Variants in LDB2 observed in about 807,000 individuals in gnomAD.
LDB2 encodes the protein LIM domain-binding protein 2.
In LDB2, 12 loss-of-function variants were observed where a neutral mutation model predicts 44.3. The observed-to-expected ratio is 0.27, with a 90% CI of 0.17 to 0.44. The LOEUF (loss-of-function observed/expected upper bound fraction) is 0.44, where lower values mean the gene tolerates loss of function less well. Ranked by LOEUF, LDB2 falls within the 20% of genes least tolerant of loss-of-function variation. The pLI is 1.00. For synonymous variants in LDB2, 164 were observed against 174.8 expected (o/e 0.94, Z 0.49); for missense variants, 344 against 473.5 (o/e 0.73, Z 2.54).
chr4:16,650,068 A>C (rs925903929), intron 2 of LDB2, among the ~76,000 whole-genome samples: 6 of 152,178 alleles, frequency 3.9e-5, no homozygotes, highest in African/African-American at 1.4e-4. Context: ...TTTTGAGATA[A>C]AACTTTTCTG....
intron 5 of LDB2, among the ~76,000 whole-genome samples, chr4:16,544,839 G>A (rs1011460234): frequency 1.3e-5 from 2 of 152,164 alleles, no homozygotes; most frequent in Non-Finnish European, 2.9e-5. Flanking sequence ...GAGAAGTGGA[G>A]GCTGGGAATA....
chr4:16,516,432 C>T (rs1723763368), intron 5 of LDB2, among the ~76,000 whole-genome samples: 1 of 152,184 alleles, frequency 6.6e-6, no homozygotes, highest in Non-Finnish European at 1.5e-5. Context: ...AAGTATCAAG[C>T]ATTCTGCTCG....
intron 1 of LDB2, among the ~76,000 whole-genome samples, chr4:16,852,457 A>C (rs1788484691): frequency 6.6e-6 from 1 of 152,216 alleles, no homozygotes; most frequent in Non-Finnish European, 1.5e-5. Context: ...CTGCCACATG[A>C]AGGAAAATCC....
At chr4:16,775,656 T>C (rs1771732156) in intron 1 of LDB2, among the ~76,000 whole-genome samples, 1 of 152,130 alleles carries the variant, frequency 6.6e-6, no homozygotes, top group Non-Finnish European at 1.5e-5. Flanking sequence ...TGACACACAG[T>C]TGACAAAGCA....
At chr4:16,528,373 A>T (rs1408048895) in intron 5 of LDB2, among the ~76,000 whole-genome samples, 1 of 152,256 alleles carries the variant, frequency 6.6e-6, no homozygotes, top group Admixed American at 6.5e-5. Flanking sequence ...AAAATATTTT[A>T]AATAAGGTAA....
chr4:16,837,214 C>G, intron 1 of LDB2, among the ~76,000 whole-genome samples: 1 of 152,174 alleles, frequency 6.6e-6, no homozygotes, highest in East Asian at 1.9e-4. Context: ...ACTGTTTACT[C>G]TCTGTATGAC....
At chr4:16,782,433 C>T (rs1477189392) in intron 1 of LDB2, among the ~76,000 whole-genome samples, 2 of 151,936 alleles carry the variant, frequency 1.3e-5, no homozygotes, top group Non-Finnish European at 2.9e-5. Flanking sequence ...TCACTAAAAC[C>T]TCCACCTCCC....
intron 2 of LDB2, among the ~76,000 whole-genome samples, chr4:16,653,118 G>A (rs1262522071): frequency 6.6e-6 from 1 of 152,194 alleles, no homozygotes; most frequent in Non-Finnish European, 1.5e-5. Context: ...AACACAGCTT[G>A]AGCAAGTTGT....
At chr4:16,551,329 A>T (rs1193618762) in intron 5 of LDB2, among the ~76,000 whole-genome samples, 3 of 152,198 alleles carry the variant, frequency 2.0e-5, no homozygotes, top group Non-Finnish European at 2.9e-5. Context: ...ATTTTTTAAA[A>T]GTTAAGGAAA....
chr4:16,802,168 C>T (rs900701473), intron 1 of LDB2, among the ~76,000 whole-genome samples: 6 of 152,182 alleles, frequency 3.9e-5, no homozygotes, highest in Non-Finnish European at 7.3e-5. Flanking sequence ...AGTGAGTGGA[C>T]GCCCATCCTC....
chr4:16,527,328 T>G (rs1374578560), intron 5 of LDB2, among the ~76,000 whole-genome samples: 1 of 152,010 alleles, frequency 6.6e-6, no homozygotes, highest in Non-Finnish European at 1.5e-5. Context: ...AGAGAGATTG[T>G]GGGGAACTAT....
chr4:16,629,248 C>T (rs1222764905), intron 2 of LDB2, among the ~76,000 whole-genome samples: 1 of 152,190 alleles, frequency 6.6e-6, no homozygotes, highest in Non-Finnish European at 1.5e-5. Flanking sequence ...AACGTCCCTG[C>T]CTGACAGCTA....
chr4:16,584,683 C>T (rs766602664), intron 5 of LDB2, among the ~76,000 whole-genome samples: 4 of 152,214 alleles, frequency 2.6e-5, no homozygotes, highest in Admixed American at 1.3e-4. Flanking sequence ...TGTCAGGAGA[C>T]GGGTAGTGCC....
chr4:16,780,749 T>G (rs991175766), intron 1 of LDB2, among the ~76,000 whole-genome samples: 2 of 152,118 alleles, frequency 1.3e-5, no homozygotes, highest in Non-Finnish European at 1.5e-5. Flanking sequence ...CAAAAAACAT[T>G]TCATGAACAC....
intron 1 of LDB2, among the ~76,000 whole-genome samples, chr4:16,877,908 A>G (rs1718903670): frequency 6.6e-6 from 1 of 152,208 alleles, no homozygotes; most frequent in Admixed American, 6.5e-5. Flanking sequence ...AAATGGCCCT[A>G]AAAGAATCAC....
intron 1 of LDB2, among the ~76,000 whole-genome samples, chr4:16,884,120 G>T (rs1466303976): frequency 6.6e-6 from 1 of 152,100 alleles, no homozygotes; most frequent in Non-Finnish European, 1.5e-5. Flanking sequence ...ATAGCAGATT[G>T]CTTCACTCCC....
chr4:16,688,840 A>G (rs1749896830), intron 2 of LDB2, among the ~76,000 whole-genome samples: 1 of 152,232 alleles, frequency 6.6e-6, no homozygotes, highest in Non-Finnish European at 1.5e-5. Context: ...ATCTCTCCTA[A>G]TATGTATGTT....
rs574330713 is a variant in LDB2, at chr4:16,638,677, T to A, written c.236-42802A>T. Among the ~76,000 whole-genome samples the A allele has an allele frequency of 2.6e-5, 4 of 152,352 alleles. No individual in the cohort carries two copies. In the East Asian group the frequency reaches 7.7e-4, roughly 29 times the overall value. On this transcript the variant is annotated intron_variant, in intron 2 of 7. Coordinates refer to ENST00000304523, the MANE Select transcript of LDB2 (RefSeq NM_001290.5). ...GTCTGCATCTCCTTTCATTGATGTA[T>A]TCATTCAGCAAAAACATATCCAGTG...
intron 1 of LDB2, among the ~76,000 whole-genome samples, chr4:16,767,821 C>T (rs576747983): frequency 1.3e-5 from 2 of 152,290 alleles, no homozygotes; most frequent in South Asian, 4.1e-4. Flanking sequence ...GTCCTTTTGT[C>T]CCATCTCACA....
Sources: allele counts gnomAD v4.1 joint callset (sites outside exome capture counted in the v4.1 genomes callset), GRCh38; gene constraint gnomAD v4.1.1; transcripts MANE v1.5; gene names NCBI Gene and HGNC (gene_info 2026-07-23, HGNC 2026-07-21).